HECTD4: variants seen among roughly 807,000 people sequenced by gnomAD.
HECTD4 encodes probable E3 ubiquitin-protein ligase HECTD4.
Under a neutral mutation model 471.5 loss-of-function variants are expected in HECTD4, and 114 were observed. The observed-to-expected ratio is 0.24, with a 90% CI of 0.21 to 0.28. The LOEUF is 0.28. Among genes scored for constraint, HECTD4 ranks in the 10% least tolerant of loss-of-function variants. The pLI is 1.00. For synonymous variants in HECTD4, 2,012 were observed against 2,256.0 expected (o/e 0.89, Z 3.07); for missense variants, 3,866 against 5,651.5 (o/e 0.68, Z 10.13).
intron 1 of HECTD4, among the ~76,000 whole-genome samples, chr12:112,356,907 C>T (rs776740337): frequency 2.0e-5 from 3 of 152,158 alleles, no homozygotes; most frequent in Non-Finnish European, 4.4e-5. Context: ...GGTTTAGGCA[C>T]TATAAGTCTC....
In HECTD4 at chr12:112,171,527, C is replaced by T. The variant is rs542198030; in HGVS notation, c.11786-264G>A. On this transcript the variant is annotated intron_variant, in intron 67 of 75. Coordinates refer to ENST00000682272, the MANE Select transcript of HECTD4 (RefSeq NM_001388303.1). ...CCCCTCATCTACCTTCAGGGCCATGCCAGGGCTGTGCACTACGTTAGTTTT... is the reference window on the plus strand; with the variant it reads ...CCCCTCATCTACCTTCAGGGCCATGTCAGGGCTGTGCACTACGTTAGTTTT... 4.4e-4 allele frequency among the ~76,000 whole-genome samples: 67 copies of T among 152,308 alleles called. No individual in the cohort carries two copies. The Middle Eastern group carries it at 0.02, about 46-fold the overall frequency.
At chr12:112,230,568 A>C (rs2033355357) in intron 40 of HECTD4, 119 bp downstream of exon 40, 1 of 1,208,742 alleles carries the variant, frequency 8.3e-7, no homozygotes, top group Non-Finnish European at 1.1e-6. Context: ...AAGTCAGTTA[A>C]CAGGTATCTG....
intron 4 of HECTD4, 98 bp downstream of exon 4, chr12:112,312,919 G>T: frequency 1.1e-6 from 1 of 931,140 alleles, no homozygotes; most frequent in Non-Finnish European, 1.6e-6. Flanking sequence ...TAATTAAAAG[G>T]AACATACAGA....
intron 62 of HECTD4, among the ~76,000 whole-genome samples, chr12:112,181,749 C>T (rs780738482): frequency 6.6e-6 from 1 of 152,194 alleles, no homozygotes. Context: ...CATGAGCCAC[C>T]GTGCCCGGCC....
At chr12:112,168,463 G>T (rs1286300001) in intron 70 of HECTD4, among the ~76,000 whole-genome samples, 1 of 152,204 alleles carries the variant, frequency 6.6e-6, no homozygotes, top group Non-Finnish European at 1.5e-5. Flanking sequence ...ATTCAAGATG[G>T]GCCTTTGGTT....
intron 25 of HECTD4, 34 bp downstream of exon 25, chr12:112,250,110 A>C: frequency 2.0e-6 from 3 of 1,503,426 alleles, no homozygotes; most frequent in Non-Finnish European, 2.8e-6. Flanking sequence ...TTTTTTTCCC[A>C]TTGGGAAAAG....
chr12:112,256,799 A>G, intron 20 of HECTD4: 1 of 220,256 alleles, frequency 4.5e-6, no homozygotes, highest in Non-Finnish European at 8.7e-6. Flanking sequence ...TCTTTTTTTC[A>G]AGGGCGAAGC....
intron 54 of HECTD4, 81 bp from the exon 55 acceptor site, chr12:112,200,879 G>T (rs2032405382): frequency 8.1e-7 from 1 of 1,227,536 alleles, no homozygotes; most frequent in African/African-American, 1.7e-5. Flanking sequence ...GTGTGTGCGT[G>T]CGTGCGTGTG....
intron 1 of HECTD4, among the ~76,000 whole-genome samples, chr12:112,365,351 G>A (rs373638666): frequency 2.6e-5 from 4 of 152,150 alleles, no homozygotes; most frequent in East Asian, 1.9e-4. Flanking sequence ...AGCTACGATA[G>A]TGCCACTGCA....
At position 112,194,618 on chromosome 12, in the gene HECTD4, G is replaced by C. The variant is rs773276068; in HGVS notation, c.8749+267C>G. On this transcript the variant is annotated intron_variant, in intron 56 of 75. Transcript: ENST00000682272. The surrounding 1 kb of genome is among the most constrained non-coding windows in gnomAD (Gnocchi z 4.6). ...ACAATACAGTGACTTGGTTTCATAA[G>C]TAATACTTAATTTTCCTTGATCCAC... Among the ~76,000 whole-genome samples the C allele has an allele frequency of 2.0e-5, 3 of 152,220 alleles. No individual in the cohort carries two copies. Among genetic ancestry groups the C allele is most frequent in the Non-Finnish European group, 4.4e-5 (3 of 68,044 alleles).
chr12:112,313,345 C>T (rs942445134), intron 3 of HECTD4, among the ~76,000 whole-genome samples, 198 bp from the exon 4 acceptor site: 12 of 151,412 alleles, frequency 7.9e-5, no homozygotes, highest in Non-Finnish European at 1.6e-4. Flanking sequence ...GACAGAGTCT[C>T]GCTCTGTCAC....
intron 7 of HECTD4, among the ~76,000 whole-genome samples, chr12:112,290,244 C>T (rs1241672835): frequency 2.6e-5 from 4 of 151,700 alleles, no homozygotes; most frequent in Admixed American, 1.3e-4. Flanking sequence ...CACTTGAGCC[C>T]GGGAGGTTGA....
In HECTD4 at chr12:112,163,708, G is replaced by A. The variant is rs1412764600; in HGVS notation, c.12731C>T (p.Ala4244Val). ...AWENKDIYAAAIRSLRLRELQ... is the reference protein window; with the variant it reads ...AWENKDIYAAVIRSLRLRELQ... ...CTCCCGCAGCCGCAGGCTCCGGATG[G>A]CTGCCGCGTAGATGTCCTTGTTCTC... is the stretch of plus-strand genomic sequence containing the variant. The change falls in exon 74 of 76, where the codon GCC becomes GTC. Residue 4244 changes from alanine to valine, a missense_variant. Physicochemically the swap from Ala to Val is moderately conservative, Grantham distance 64 (BLOSUM62 0). Transcript: ENST00000682272. This position sits in a 1 kb window ranked among gnomAD's most constrained non-coding sequence, Gnocchi z 8.2. The A allele has an allele frequency of 6.7e-7, 1 of 1,503,338 alleles. No individual in the cohort carries two copies. The highest frequency in any genetic ancestry group is 8.9e-7 in the Non-Finnish European group (1 of 1,125,184). 93.1% of individuals were successfully genotyped at this position (1,503,338 alleles called of 1,614,324 possible).
chr12:112,320,991 G>A (rs1348913361), intron 1 of HECTD4, among the ~76,000 whole-genome samples: 1 of 152,018 alleles, frequency 6.6e-6, no homozygotes, highest in Admixed American at 6.6e-5. Context: ...TTACAAGGGT[G>A]TGCCACCATG....
intron 1 of HECTD4, among the ~76,000 whole-genome samples, chr12:112,332,851 C>T (rs906277941): frequency 2.6e-5 from 4 of 151,474 alleles, no homozygotes; most frequent in Non-Finnish European, 2.9e-5. Context: ...TTAGCAGTCA[C>T]TCTCCATTTT....
At position 112,167,526 on chromosome 12, in the gene HECTD4, G is replaced by C; in HGVS notation, c.12325C>G (p.Leu4109Val). Reference protein sequence around the residue: ...AVNKNKGKYILTPSPITYGEE... With the variant: ...AVNKNKGKYIVTPSPITYGEE... The stretch of plus-strand genomic sequence containing the variant: ...CCGTAGGTGATGGGGCTCGGGGTCA[G>C]GATATACTTGCCCTGGAAGTGGAGG... The change falls in exon 72 of 76, where the codon CTG (leucine) becomes GTG (valine). Residue 4109 changes from leucine to valine, a missense_variant. Physicochemically the swap from Leu to Val is conservative, Grantham distance 32. Around this residue, in one of 16 missense-constraint regions of HECTD4, gnomAD observed 715 missense variants for 1,087.6 expected, o/e 0.66. Coordinates refer to ENST00000682272, the MANE Select transcript of HECTD4 (RefSeq NM_001388303.1). 1 of 1,586,056 alleles carries C rather than the reference G, an allele frequency of 6.3e-7. No individual in the cohort carries two copies. Among genetic ancestry groups the C allele is most frequent in the Non-Finnish European group, 8.6e-7 (1 of 1,163,794 alleles).
intron 70 of HECTD4, among the ~76,000 whole-genome samples, chr12:112,169,242 G>A (rs563909685): frequency 1.3e-5 from 2 of 152,224 alleles, no homozygotes; most frequent in African/African-American, 2.4e-5. Flanking sequence ...CCCTTCCCGG[G>A]GAGGGGGCCA....
intron 7 of HECTD4, among the ~76,000 whole-genome samples, chr12:112,297,423 G>A (rs1304227164): frequency 6.6e-6 from 1 of 151,180 alleles, no homozygotes; most frequent in Non-Finnish European, 1.5e-5. Context: ...GCAGTGGATG[G>A]CAGTACAGAG....
chr12:112,360,990 A>G (rs955267824), intron 1 of HECTD4, among the ~76,000 whole-genome samples: 39 of 152,154 alleles, frequency 2.6e-4, no homozygotes, highest in African/African-American at 9.4e-4. Flanking sequence ...GTCTCAAAAA[A>G]AAAAAAAAAA....
Sources: allele counts gnomAD v4.1 joint callset (sites outside exome capture counted in the v4.1 genomes callset), GRCh38; gene constraint gnomAD v4.1.1; regional missense constraint gnomAD v4.1.1; non-coding constraint Gnocchi (gnomAD v3.1); transcripts MANE v1.5; gene names NCBI Gene and HGNC (gene_info 2026-07-23, HGNC 2026-07-21).